Variants in LTBP1 observed in about 807,000 individuals in gnomAD.
The protein encoded by LTBP1 is latent-transforming growth factor beta-binding protein 1.
A neutral mutation model predicts 207.6 loss-of-function variants in LTBP1; 129 were observed. The observed-to-expected ratio is 0.62, with a 90% CI of 0.54 to 0.72. LTBP1 has a LOEUF of 0.72. Among genes scored for constraint, LTBP1 ranks in the 30% least tolerant of loss-of-function variants. The probability of loss-of-function intolerance (pLI) is 0.00; values close to 1 mark genes in which losing one functional copy is unlikely to be tolerated. For synonymous variants in LTBP1, 963 were observed against 833.7 expected, an observed-to-expected ratio of 1.16 and a Z score of -2.67; for missense variants, 2,281 against 2,217.2, an observed-to-expected ratio of 1.03 and a Z score of -0.58.
chr2:33,397,735 G>A (rs1371639538), intron 33 of LTBP1, among the ~76,000 whole-genome samples: 1 of 149,372 alleles, frequency 6.7e-6, no homozygotes, highest in Non-Finnish European at 1.5e-5. Flanking sequence ...TGTTAGCCAG[G>A]ATGGTTTCAA....
chr2:33,315,230 C>A lies in LTBP1; in HGVS notation c.3691C>A (p.Gln1231Lys). 6.2e-7 allele frequency: 1 copy of A among 1,613,642 alleles called. No individual in the cohort carries two copies. Among genetic ancestry groups the A allele is most frequent in the Non-Finnish European group, 8.5e-7 (1 of 1,179,924 alleles). ...GGGTTCTTTCCATTGTGTCTGCCAGCAGGGTTTCTCAATCTCTGCAGATGG... is the reference window on the plus strand; with the variant it reads ...GGGTTCTTTCCATTGTGTCTGCCAGAAGGGTTTCTCAATCTCTGCAGATGG... The part of the protein sequence containing the change: ...TEGSFHCVCQ[Q>K]GFSISADGRT... The change falls in exon 24 of 34, where the codon CAG becomes AAG. Residue 1231 changes from glutamine (Q) to lysine (K), a missense_variant. By Grantham distance (53) the Gln-to-Lys change is moderately conservative. Transcript: ENST00000404816.
At chr2:33,136,277 T>C (rs2082135879) in intron 5 of LTBP1, among the ~76,000 whole-genome samples, 1 of 152,196 alleles carries the variant, frequency 6.6e-6, no homozygotes, top group Non-Finnish European at 1.5e-5. Flanking sequence ...GAGCCAAGTC[T>C]AATGGGAAGT....
chr2:33,360,719 A>T lies in LTBP1; in HGVS notation c.4123A>T (p.Thr1375Ser). Residue 1375 changes from threonine to serine, a missense_variant, in exon 27 of 34, where the codon ACA becomes TCA. Thr to Ser is a moderately conservative substitution (Grantham distance 58). Coordinates refer to ENST00000404816, the MANE Select transcript of LTBP1 (RefSeq NM_206943.4). ...TGTCACGAAACAAGAATGCTGCTGT[A>T]CATCAGGCGTGGGATGGGGAGATAA... ...PNVTKQECCC[T>S]SGVGWGDNCE... is the part of the protein sequence containing the mutation. 2 of 1,614,028 alleles carry T rather than the reference A, an allele frequency of 1.2e-6. No homozygotes were observed. The highest frequency in any genetic ancestry group is 1.7e-6 in the Non-Finnish European group (2 of 1,179,862).
At chr2:32,977,613 TTA>T (rs1412272669) in intron 2 of LTBP1, among the ~76,000 whole-genome samples, 1 of 152,194 alleles carries the variant, frequency 6.6e-6, no homozygotes, top group African/African-American at 2.4e-5. Context: ...CTGCTTCAGT[TTA>T]GAAGCATGGT....
chr2:33,299,286 G>A (rs925015642), intron 20 of LTBP1, among the ~76,000 whole-genome samples: 4 of 151,294 alleles, frequency 2.6e-5, no homozygotes, highest in Non-Finnish European at 5.9e-5. Flanking sequence ...ACAGGTAATT[G>A]TCAATAATAC....
intron 31 of LTBP1, among the ~76,000 whole-genome samples, chr2:33,380,468 C>T (rs2095199930): frequency 6.6e-6 from 1 of 151,546 alleles, no homozygotes. Flanking sequence ...CACACGCCTT[C>T]TGAGGCAGGA....
At chr2:33,157,196 A>C (rs977949847) in intron 5 of LTBP1, among the ~76,000 whole-genome samples, 2 of 152,240 alleles carry the variant, frequency 1.3e-5, no homozygotes. Context: ...AGGTGTTTAG[A>C]ACCTAGAGAC....
At chr2:32,963,716 C>T (rs1679503203) in intron 2 of LTBP1, among the ~76,000 whole-genome samples, 1 of 152,094 alleles carries the variant, frequency 6.6e-6, no homozygotes. Flanking sequence ...GTTCCAGGAC[C>T]TCCTACAACA....
At chr2:33,082,783 A>G (rs1334625336) in intron 3 of LTBP1, among the ~76,000 whole-genome samples, 2 of 152,140 alleles carry the variant, frequency 1.3e-5, no homozygotes, top group Non-Finnish European at 2.9e-5. Context: ...ACCATGCTGT[A>G]GGAGGCATCT....
chr2:33,085,689 A>G (rs181272504), intron 3 of LTBP1, among the ~76,000 whole-genome samples: 52 of 152,336 alleles, frequency 3.4e-4, no homozygotes, highest in Admixed American at 3.3e-4. Flanking sequence ...TCACTTGCAT[A>G]AGATCATATG....
Position 33,084,751 on chromosome 2 carries a change from C to G in LTBP1, c.864-25831C>G, listed in dbSNP as rs145054377. Among the ~76,000 whole-genome samples the G allele has an allele frequency of 5.2e-3, 787 of 152,308 alleles. 4 individuals carry two copies. Among genetic ancestry groups the G allele is most frequent in the African/African-American group, 0.018 (729 of 41,572 alleles). ...GTTCTCATTATTCAGATTGTACCAC[C>G]TGACACCCTTGACTCTGCTGTTCCC... On this transcript the variant is annotated intron_variant, in intron 3 of 33. Coordinates refer to ENST00000404816, the MANE Select transcript of LTBP1 (RefSeq NM_206943.4).
At chr2:33,102,612 G>C (rs1011411854) in intron 3 of LTBP1, among the ~76,000 whole-genome samples, 4 of 151,626 alleles carry the variant, frequency 2.6e-5, no homozygotes, top group African/African-American at 9.7e-5. Context: ...ATTTTTATTG[G>C]TCTTTCTCTT....
At chr2:33,247,213 C>T (rs577500922) in intron 10 of LTBP1, among the ~76,000 whole-genome samples, 46 of 152,272 alleles carry the variant, frequency 3.0e-4, no homozygotes, top group African/African-American at 8.7e-4. Context: ...GAACTTCTGC[C>T]GTAGTCCTGG....
chr2:33,393,234 CTTTTTTT>C (rs569734292), intron 32 of LTBP1, among the ~76,000 whole-genome samples: 16 of 48,774 alleles, frequency 3.3e-4, no homozygotes, highest in Admixed American at 1.1e-3. Flanking sequence ...CCTTCTTCTT[CTTTTTTT>C]TTTTTTTTTT....
intron 7 of LTBP1, among the ~76,000 whole-genome samples, chr2:33,215,458 A>G (rs1278362116): frequency 6.6e-6 from 1 of 152,186 alleles, no homozygotes; most frequent in Non-Finnish European, 1.5e-5. Context: ...CAAAGCTATG[A>G]TGTAACTAAA....
chr2:32,947,323 C>A lies in LTBP1; in HGVS notation c.-2C>A, dbSNP rs1676320309. 8.1e-7 allele frequency: 1 copy of A among 1,235,358 alleles called. No homozygotes were observed. The highest frequency in any genetic ancestry group is 1.0e-6 in the Non-Finnish European group (1 of 989,304). The allele number at this position is 1,235,358 out of a possible 1,614,324, so 76.5% of individuals were successfully genotyped here. On this transcript the variant is annotated 5_prime_UTR_variant, in exon 1 of 34. Coordinates refer to ENST00000404816, the MANE Select transcript of LTBP1 (RefSeq NM_206943.4). ...GACCGGTCGCGCCCGCTGGGGCCCG[C>A]GATGGCGGGGGCCTGGCTCAGGTGG...
In LTBP1 at chr2:33,121,957, C is replaced by A. The variant is rs138899461; in HGVS notation, c.1033+11206C>A. Reference sequence around the variant, plus strand: ...CTTTCTCCCCTAACATTTTATTCATCCGAGAATAAATAATAAACATGGTAA... The same window carrying A: ...CTTTCTCCCCTAACATTTTATTCATACGAGAATAAATAATAAACATGGTAA... On this transcript the variant is annotated intron_variant, in intron 4 of 33. Transcript: ENST00000404816. Among the ~76,000 whole-genome samples, 233 of 152,234 alleles carry A rather than the reference C, an allele frequency of 1.5e-3. 2 individuals carry two copies. The highest frequency in any genetic ancestry group is 5.4e-3 in the African/African-American group (225 of 41,542).
intron 2 of LTBP1, among the ~76,000 whole-genome samples, chr2:32,968,048 A>T (rs569728902): frequency 6.6e-6 from 1 of 151,994 alleles, no homozygotes; most frequent in Non-Finnish European, 1.5e-5. Flanking sequence ...ACTCACTGCA[A>T]CCTCTGTCTC....
intron 2 of LTBP1, among the ~76,000 whole-genome samples, chr2:32,957,110 A>G (rs1267171788): frequency 6.6e-6 from 1 of 152,204 alleles, no homozygotes. Context: ...AAGGGCCCTG[A>G]GATTTTTAGA....
Sources: gnomAD v4.1 joint callset for allele counts (sites outside exome capture counted in the v4.1 genomes callset) on GRCh38, gnomAD v4.1.1 for gene constraint, MANE v1.5 for transcripts, NCBI Gene and HGNC (gene_info 2026-07-23, HGNC 2026-07-21) for gene names.